The following PXK variants were observed in gnomAD, a reference collection of about 807,000 sequenced individuals.
The protein encoded by PXK is PX domain containing serine/threonine kinase like, also known as PX domain-containing protein kinase-like protein.
PXK carries 35 observed loss-of-function variants against 84.7 expected under a neutral mutation model. The ratio of observed to expected loss-of-function variants is 0.41; its 90% CI spans 0.32 to 0.55. PXK has a LOEUF of 0.55. Among genes scored for constraint, PXK ranks in the 20% least tolerant of loss-of-function variants. The pLI is 0.21. For missense variants in PXK, 634 were observed against 699.7 expected (o/e 0.91, Z 1.06); for synonymous variants, 253 against 260.8 (o/e 0.97, Z 0.29).
rs369734942 is a variant in PXK at position 58,386,588 on chromosome 3, C to A, written c.388+3888C>A. Among the ~76,000 whole-genome samples the A allele has an allele frequency of 2.6e-5, 4 of 152,246 alleles. No individual in the cohort carries two copies. The South Asian group carries it at 6.2e-4, about 24-fold the overall frequency. ...GGGATTACAGGCATGAGCCACTGCA[C>A]CTGGCCTACAATATTCATCTTTTTA... On this transcript the variant is annotated intron_variant, in intron 4 of 17. Coordinates refer to ENST00000356151, the MANE Select transcript of PXK (RefSeq NM_017771.5).
At position 58,367,304 on chromosome 3, in the gene PXK, G is replaced by A. The variant is rs958316704; in HGVS notation, c.153+1380G>A. On this transcript the variant is annotated intron_variant, in intron 2 of 17. Coordinates refer to ENST00000356151, the MANE Select transcript of PXK (RefSeq NM_017771.5). ...CTGTCACCCAGGCTGCAGTGCAGTG[G>A]CACGATCTTCGCTCACTGCAAACTC... Among the ~76,000 whole-genome samples, 4 of 152,100 alleles carry A rather than the reference G, an allele frequency of 2.6e-5. No homozygotes were observed. In the East Asian group the frequency reaches 5.8e-4, roughly 22 times the overall value.
intron 17 of PXK, among the ~76,000 whole-genome samples, chr3:58,419,277 G>A (rs2061461026): frequency 6.6e-6 from 1 of 152,206 alleles, no homozygotes; most frequent in South Asian, 2.1e-4. Flanking sequence ...TTGAGATGGA[G>A]TTTCACTCTT....
At chr3:58,393,692 A>T (rs1309312098) in intron 7 of PXK, among the ~76,000 whole-genome samples, 1 of 152,214 alleles carries the variant, frequency 6.6e-6, no homozygotes, top group Non-Finnish European at 1.5e-5. Flanking sequence ...CATTATACCC[A>T]TACTTAATTT....
intron 9 of PXK, 138 bp downstream of exon 9, chr3:58,395,897 C>A: frequency 1.6e-6 from 1 of 644,506 alleles, no homozygotes; most frequent in South Asian, 2.3e-5. Context: ...TCATATTTTG[C>A]CTCAAAAAGT....
rs577418004 is a variant in PXK at position 58,381,993 on chromosome 3, A to G, written c.202-521A>G. ...TTTTTATGTAACTTTAGTAAAAATA[A>G]AAGCACATTAAAAAAATAAAGTTTT... On this transcript the variant is annotated intron_variant, in intron 3 of 17. Coordinates refer to ENST00000356151, the MANE Select transcript of PXK (RefSeq NM_017771.5). 2.0e-5 allele frequency among the ~76,000 whole-genome samples: 3 copies of G among 152,304 alleles called. No individual in the cohort carries two copies. In the East Asian group the frequency reaches 5.8e-4, roughly 29 times the overall value.
intron 1 of PXK, among the ~76,000 whole-genome samples, chr3:58,337,043 C>T (rs2097632816): frequency 6.6e-6 from 1 of 152,172 alleles, no homozygotes; most frequent in Admixed American, 6.5e-5. Context: ...CACCTGACCT[C>T]AGGTGATCCA....
intron 1 of PXK, among the ~76,000 whole-genome samples, chr3:58,340,586 C>T (rs1391106239): frequency 1.3e-5 from 2 of 151,944 alleles, no homozygotes; most frequent in South Asian, 2.1e-4. Flanking sequence ...ATTAGCCAGG[C>T]GTGGTGGCGC....
chr3:58,352,105 AAT>A (rs1485244198), intron 1 of PXK, among the ~76,000 whole-genome samples: 1 of 152,242 alleles, frequency 6.6e-6, no homozygotes, highest in African/African-American at 2.4e-5. Flanking sequence ...GTGACTGGAA[AAT>A]GTGTGCCCTC....
At chr3:58,422,634 A>C (rs1172871440) in intron 17 of PXK, 1 of 985,242 alleles carries the variant, frequency 1.0e-6, no homozygotes, top group African/African-American at 1.7e-5. Flanking sequence ...GCGGTGGTGC[A>C]TTTGCACTTC....
chr3:58,379,957 G>C lies in PXK; in HGVS notation c.202-2557G>C, dbSNP rs140459205. Among the ~76,000 whole-genome samples, 1 of 151,936 alleles carries C rather than the reference G, an allele frequency of 6.6e-6. No homozygotes were observed. Among genetic ancestry groups the C allele is most frequent in the Non-Finnish European group, 1.5e-5 (1 of 67,996 alleles). ...ACTGCACTTTAGCCTGGGTGACAGG[G>C]TGAGAACCTGTCTCAAAAACAAAAC... On this transcript the variant is annotated intron_variant, in intron 3 of 17. Coordinates refer to ENST00000356151, the MANE Select transcript of PXK (RefSeq NM_017771.5). The surrounding 1 kb of genome is among the most constrained non-coding windows in gnomAD (Gnocchi z 5.1).
intron 17 of PXK, chr3:58,422,002 A>C (rs1208744061): frequency 2.0e-6 from 2 of 985,136 alleles, no homozygotes; most frequent in African/African-American, 1.7e-5. Flanking sequence ...AGGGGTGGAG[A>C]GCGCGCAGGC....
chr3:58,408,295 A>G (rs2059684139), intron 13 of PXK, among the ~76,000 whole-genome samples: 1 of 152,214 alleles, frequency 6.6e-6, no homozygotes, highest in South Asian at 2.1e-4. Context: ...TAGGTTTCAA[A>G]ATCAGGAAAT....
chr3:58,397,517 T>G lies in PXK; in HGVS notation c.985-88T>G. 8 of 1,150,532 alleles carry G rather than the reference T, an allele frequency of 7.0e-6. No individual in the cohort carries two copies. The highest frequency in any genetic ancestry group is 1.0e-5 in the Non-Finnish European group (8 of 763,896). 71.3% of individuals were successfully genotyped at this position (1,150,532 alleles called of 1,614,324 possible). On this transcript the variant is annotated intron_variant, in intron 10 of 17. Transcript: ENST00000356151. This position sits in a 1 kb window ranked among gnomAD's most constrained non-coding sequence, Gnocchi z 4.7. ...TAGGAACGGGGCTATCCCTGGGCTT[T>G]GTTTCTCAGAGAAGCCTTGGGGCAG...
At position 58,336,071 on chromosome 3, in the gene PXK, ATT is replaced by A. The variant is rs1171021563; in HGVS notation, c.102+2998_102+2999del. ...TATATATATATATATATATATATAT[ATT>A]TTTTTTTTTTTTTTTTAATACCAAT... On this transcript the variant is annotated intron_variant, in intron 1 of 17. Transcript: ENST00000356151. Among the ~76,000 whole-genome samples, 364 of 51,376 alleles carry A rather than the reference ATT, an allele frequency of 7.1e-3. 5 individuals are homozygous for A. The highest frequency in any genetic ancestry group is 0.013 in the African/African-American group (128 of 9,814). The allele number at this position is 51,376 out of a possible 152,430, so 33.7% of individuals were successfully genotyped here. A position where few individuals can be genotyped will look rare whatever the true frequency, so the allele number is the denominator to read the frequency against.
At chr3:58,410,010 T>G in intron 15 of PXK, 80 bp from the exon 16 acceptor site, 1 of 916,668 alleles carries the variant, frequency 1.1e-6, no homozygotes, top group Non-Finnish European at 1.7e-6. Flanking sequence ...TGGAAAATAT[T>G]TTTATTCTAA....
chr3:58,390,460 TG>T lies in PXK; in HGVS notation c.389-120del. The T allele has an allele frequency of 3.9e-6, 2 of 511,304 alleles. No homozygotes were observed. Among genetic ancestry groups the T allele is most frequent in the South Asian group, 7.1e-5 (1 of 14,056 alleles). 31.7% of individuals were successfully genotyped at this position (511,304 alleles called of 1,614,324 possible). ...TCTTTCTTTATTATTATTTTTTTTT[TG>T]GTAATTAAGTTTTTTAAAAAGGTCA... On this transcript the variant is annotated intron_variant, in intron 4 of 17. Coordinates refer to ENST00000356151, the MANE Select transcript of PXK (RefSeq NM_017771.5). This position sits in a 1 kb window ranked among gnomAD's most constrained non-coding sequence, Gnocchi z 4.2.
chr3:58,407,647 G>A lies in PXK; in HGVS notation c.1231-1277G>A, dbSNP rs564331947. Among the ~76,000 whole-genome samples the A allele has an allele frequency of 1.7e-4, 26 of 151,952 alleles. No individual in the cohort carries two copies. The highest frequency in any genetic ancestry group is 5.3e-4 in the Admixed American group (8 of 15,238). Reference sequence around the variant, plus strand: ...ACAATCTCAGCTCACTGCAACCTCCGCCCTCCCAGGTTCAAGTGATCTTCC... The same window carrying A: ...ACAATCTCAGCTCACTGCAACCTCCACCCTCCCAGGTTCAAGTGATCTTCC... On this transcript the variant is annotated intron_variant, in intron 13 of 17. Transcript: ENST00000356151. The surrounding 1 kb of genome is among the most constrained non-coding windows in gnomAD (Gnocchi z 4.3).
At chr3:58,335,933 C>A (rs1477683055) in intron 1 of PXK, among the ~76,000 whole-genome samples, 1 of 150,568 alleles carries the variant, frequency 6.6e-6, no homozygotes, top group Non-Finnish European at 1.5e-5. Flanking sequence ...CACTCCCTGA[C>A]AACATTTGTG....
chr3:58,362,312 C>T (rs891834921), intron 1 of PXK, among the ~76,000 whole-genome samples: 3 of 151,908 alleles, frequency 2.0e-5, no homozygotes, highest in South Asian at 2.1e-4. Flanking sequence ...ATTTTTTTTC[C>T]TAAAAGTCTT....
Sources: allele counts gnomAD v4.1 joint callset (sites outside exome capture counted in the v4.1 genomes callset), GRCh38; gene constraint gnomAD v4.1.1; non-coding constraint Gnocchi (gnomAD v3.1); transcripts MANE v1.5; gene names NCBI Gene and HGNC (gene_info 2026-07-23, HGNC 2026-07-21).